Variants in PLCXD3 observed in about 807,000 individuals in gnomAD.
PLCXD3 encodes the protein phosphatidylinositol specific phospholipase C X domain containing 3.
A neutral mutation model predicts 25.5 loss-of-function variants in PLCXD3; 19 were observed. The ratio of observed to expected loss-of-function variants is 0.75; its 90% confidence interval spans 0.52 to 1.09. The LOEUF (loss-of-function observed/expected upper bound fraction) is 1.09. Ranked by LOEUF, PLCXD3 falls within the 50% of genes least tolerant of loss-of-function variation. The probability of loss-of-function intolerance (pLI) is 0.00; values close to 1 mark genes in which losing one functional copy is unlikely to be tolerated. For missense variants in PLCXD3, 411 were observed against 388.1 expected, an observed-to-expected ratio of 1.06 and a Z score of -0.50; for synonymous variants, 174 against 137.6, an observed-to-expected ratio of 1.26 and a Z score of -1.85.
At chr5:41,507,984 C>T (rs769361520) in intron 1 of PLCXD3, among the ~76,000 whole-genome samples, 7 of 152,166 alleles carry the variant, frequency 4.6e-5, no homozygotes, top group Non-Finnish European at 8.8e-5. Context: ...GGTGCCAAAC[C>T]TGTTTTTAAA....
At chr5:41,478,000 G>A (rs990060081) in intron 1 of PLCXD3, among the ~76,000 whole-genome samples, 8 of 152,154 alleles carry the variant, frequency 5.3e-5, no homozygotes, top group African/African-American at 1.7e-4. Flanking sequence ...GAGTAGGGTG[G>A]GAGTGGGTTG....
At chr5:41,355,823 G>A (rs1236440073) in intron 2 of PLCXD3, among the ~76,000 whole-genome samples, 1 of 152,182 alleles carries the variant, frequency 6.6e-6, no homozygotes, top group South Asian at 2.1e-4. Flanking sequence ...GACAGATGAA[G>A]ATGATATTAG....
chr5:41,429,218 T>C (rs1747036445), intron 1 of PLCXD3, among the ~76,000 whole-genome samples: 1 of 151,706 alleles, frequency 6.6e-6, no homozygotes, highest in South Asian at 2.1e-4. Flanking sequence ...GGCTCCATGA[T>C]CAGTTTCATT....
intron 2 of PLCXD3, among the ~76,000 whole-genome samples, chr5:41,349,949 T>G (rs1157514250): frequency 6.6e-6 from 1 of 152,090 alleles, no homozygotes; most frequent in Non-Finnish European, 1.5e-5. Flanking sequence ...TGGTAGTGCT[T>G]TGCAACATTT....
chr5:41,348,285 A>T (rs899413255), intron 2 of PLCXD3, among the ~76,000 whole-genome samples: 1 of 152,164 alleles, frequency 6.6e-6, no homozygotes, highest in African/African-American at 2.4e-5. Flanking sequence ...TAAAATATAG[A>T]TGAGTTAGTA....
intron 1 of PLCXD3, among the ~76,000 whole-genome samples, chr5:41,446,176 CAAAAAAA>C (rs70988847): frequency 3.7e-4 from 14 of 38,122 alleles, no homozygotes; most frequent in Non-Finnish European, 5.0e-4. Flanking sequence ...GACTCCTTCT[CAAAAAAA>C]AAAAAAAAAA....
intron 2 of PLCXD3, among the ~76,000 whole-genome samples, chr5:41,335,919 T>C (rs73075979): frequency 0.015 from 2,327 of 152,256 alleles, 49 homozygotes; most frequent in African/African-American, 0.054. Context: ...TGTCTCTTTA[T>C]TGGCACACAT....
chr5:41,415,202 A>G (rs1343946911), intron 1 of PLCXD3, among the ~76,000 whole-genome samples: 1 of 152,230 alleles, frequency 6.6e-6, no homozygotes, highest in Non-Finnish European at 1.5e-5. Flanking sequence ...AGCTAATTAA[A>G]TGACAGGTGA....
At chr5:41,489,844 T>C (rs1426162147) in intron 1 of PLCXD3, among the ~76,000 whole-genome samples, 1 of 151,298 alleles carries the variant, frequency 6.6e-6, no homozygotes, top group Non-Finnish European at 1.5e-5. Context: ...GCTGAGACAG[T>C]GGGGTTTTCT....
At chr5:41,484,597 T>C (rs574081359) in intron 1 of PLCXD3, among the ~76,000 whole-genome samples, 4 of 152,250 alleles carry the variant, frequency 2.6e-5, no homozygotes, top group South Asian at 4.1e-4. Context: ...GAGAAACATA[T>C]TGCTCATAAA....
chr5:41,414,924 CT>C (rs1746658751), intron 1 of PLCXD3, among the ~76,000 whole-genome samples: 1 of 152,118 alleles, frequency 6.6e-6, no homozygotes, highest in Non-Finnish European at 1.5e-5. Flanking sequence ...CGATAATGGC[CT>C]GAAAGCTCAT....
chr5:41,480,284 T>C (rs1355439813), intron 1 of PLCXD3, among the ~76,000 whole-genome samples: 2 of 152,170 alleles, frequency 1.3e-5, no homozygotes, highest in Admixed American at 6.5e-5. Flanking sequence ...GAGTCACCCA[T>C]TGAGAGGCTC....
Position 41,313,592 on chromosome 5 carries a change from T to C in PLCXD3, c.*25A>G. Reference sequence around the variant, plus strand: ...AATACAATGAGCTTTCTCCATCTTATTCATGGAAACTCCAAGTAGTGCTAT... The same window carrying C: ...AATACAATGAGCTTTCTCCATCTTACTCATGGAAACTCCAAGTAGTGCTAT... On this transcript the variant is annotated 3_prime_UTR_variant, in exon 3 of 3. Transcript: ENST00000377801. 3 of 1,613,118 alleles carry C rather than the reference T, an allele frequency of 1.9e-6. No homozygotes were observed. Among genetic ancestry groups the C allele is most frequent in the Non-Finnish European group, 2.5e-6 (3 of 1,179,178 alleles).
In PLCXD3 at chr5:41,333,157, C is replaced by T. The variant is rs1035745420; in HGVS notation, c.813-19387G>A. Among the ~76,000 whole-genome samples, 3 of 151,338 alleles carry T rather than the reference C, an allele frequency of 2.0e-5. No individual in the cohort carries two copies. The East Asian group carries it at 5.8e-4, about 29-fold the overall frequency. On this transcript the variant is annotated intron_variant, in intron 2 of 2. Transcript: ENST00000377801. ...CAAACAAACAAACAAACAAAAACGT[C>T]AATGGCTTGTGACTGCCCGTCCCAA...
At chr5:41,363,033 C>G (rs548439825) in intron 2 of PLCXD3, among the ~76,000 whole-genome samples, 1 of 152,080 alleles carries the variant, frequency 6.6e-6, no homozygotes, top group South Asian at 2.1e-4. Context: ...TCATTGTTAC[C>G]ACAGAATCAG....
chr5:41,321,527 G>T (rs926988357), intron 2 of PLCXD3, among the ~76,000 whole-genome samples: 4 of 152,144 alleles, frequency 2.6e-5, no homozygotes, highest in African/African-American at 9.7e-5. Flanking sequence ...CAGATTTAAT[G>T]CAATCTACTG....
intron 2 of PLCXD3, among the ~76,000 whole-genome samples, chr5:41,356,648 C>T (rs1419368477): frequency 6.6e-6 from 1 of 152,152 alleles, no homozygotes; most frequent in Non-Finnish European, 1.5e-5. Flanking sequence ...TTATCTATCA[C>T]TCAAGTTACA....
At chr5:41,450,175 G>GT (rs1747595781) in intron 1 of PLCXD3, among the ~76,000 whole-genome samples, 1 of 152,118 alleles carries the variant, frequency 6.6e-6, no homozygotes, top group African/African-American at 2.4e-5. Context: ...CCTGGTGAAA[G>GT]TAAGAAGGAA....
intron 1 of PLCXD3, among the ~76,000 whole-genome samples, chr5:41,404,792 A>G (rs905696914): frequency 6.6e-6 from 1 of 152,164 alleles, no homozygotes; most frequent in Non-Finnish European, 1.5e-5. Flanking sequence ...TAGGTTTAAT[A>G]AACATCAAAG....
Sources: allele counts gnomAD v4.1 joint callset (sites outside exome capture counted in the v4.1 genomes callset), GRCh38; gene constraint gnomAD v4.1.1; transcripts MANE v1.5; gene names NCBI Gene and HGNC (gene_info 2026-07-23, HGNC 2026-07-21).